NTNG1: variants seen among roughly 807,000 people sequenced by gnomAD.
NTNG1 encodes the protein netrin-G1.
In NTNG1, 16 loss-of-function variants were observed where a neutral mutation model predicts 54.0. The observed-to-expected ratio is 0.30, with a 90% CI of 0.20 to 0.45. NTNG1 has a LOEUF of 0.45. Among genes scored for constraint, NTNG1 ranks in the 20% least tolerant of loss-of-function variants. NTNG1 has a pLI of 1.00. For missense variants in NTNG1, 530 were observed against 678.7 expected (o/e 0.78, Z 2.43); for synonymous variants, 255 against 263.1 (o/e 0.97, Z 0.30).
chr1:107,382,374 A>G (rs17018835), intron 3 of NTNG1, among the ~76,000 whole-genome samples: 4,871 of 152,258 alleles, frequency 0.032, 274 homozygotes, highest in African/African-American at 0.11. Context: ...TCTTGATCGT[A>G]TATCATTTGA....
At chr1:107,360,534 A>T (rs942145754) in intron 3 of NTNG1, among the ~76,000 whole-genome samples, 1 of 152,216 alleles carries the variant, frequency 6.6e-6, no homozygotes. Context: ...ACAGGAAGCC[A>T]CTGGAAGATT....
intron 2 of NTNG1, among the ~76,000 whole-genome samples, chr1:107,181,443 TG>T (rs1657056504): frequency 6.6e-6 from 1 of 152,198 alleles, no homozygotes; most frequent in Non-Finnish European, 1.5e-5. Flanking sequence ...CAATTTTAAG[TG>T]GCTTTTGTTA....
At chr1:107,153,119 A>G (rs1451988140) in intron 2 of NTNG1, among the ~76,000 whole-genome samples, 1 of 152,200 alleles carries the variant, frequency 6.6e-6, no homozygotes, top group Admixed American at 6.5e-5. Context: ...ATATTTCATT[A>G]TGTTCAAATG....
intron 6 of NTNG1, among the ~76,000 whole-genome samples, chr1:107,433,972 C>A (rs1675444392): frequency 6.6e-6 from 1 of 152,186 alleles, no homozygotes; most frequent in Non-Finnish European, 1.5e-5. Flanking sequence ...GGATACATCA[C>A]AAGTAATTGA....
intron 6 of NTNG1, among the ~76,000 whole-genome samples, chr1:107,433,693 T>C (rs1675421674): frequency 1.3e-5 from 2 of 152,168 alleles, no homozygotes. Flanking sequence ...GGTACTAAGG[T>C]CTATCTTTTA....
intron 6 of NTNG1, among the ~76,000 whole-genome samples, chr1:107,433,011 T>A (rs1675364950): frequency 6.6e-6 from 1 of 152,194 alleles, no homozygotes; most frequent in African/African-American, 2.4e-5. Flanking sequence ...GTCTGTCTTT[T>A]AAATCAGATA....
Position 107,484,167 on chromosome 1 carries a change from A to T in NTNG1, c.*3327A>T, listed in dbSNP as rs540799090. ...GCAAAGGGTGCATCTGTGTGGATGGATTAGGCCCTGGGGCCTGGAGTGTTC... is the reference window on the plus strand; with the variant it reads ...GCAAAGGGTGCATCTGTGTGGATGGTTTAGGCCCTGGGGCCTGGAGTGTTC... On this transcript the variant is annotated 3_prime_UTR_variant, in exon 8 of 8. Transcript: ENST00000370068. Among the ~76,000 whole-genome samples the T allele has an allele frequency of 2.0e-5, 3 of 152,302 alleles. No homozygotes were observed. The South Asian group carries it at 6.2e-4, about 32-fold the overall frequency.
chr1:107,214,870 C>A (rs1474859964), intron 2 of NTNG1, among the ~76,000 whole-genome samples: 1 of 151,000 alleles, frequency 6.6e-6, no homozygotes, highest in Non-Finnish European at 1.5e-5. Flanking sequence ...ATTTACATTT[C>A]TCTCATCATT....
chr1:107,331,529 G>A (rs1444016208), intron 3 of NTNG1, among the ~76,000 whole-genome samples: 3 of 151,746 alleles, frequency 2.0e-5, no homozygotes, highest in Non-Finnish European at 2.9e-5. Flanking sequence ...TTTTCCATGG[G>A]GAGACAAAAA....
At chr1:107,155,357 T>C (rs930215944) in intron 2 of NTNG1, among the ~76,000 whole-genome samples, 15 of 152,058 alleles carry the variant, frequency 9.9e-5, no homozygotes, top group African/African-American at 3.6e-4. Context: ...TATCTTTCAA[T>C]GTCTAGCTCA....
chr1:107,447,068 C>A (rs748028583), intron 7 of NTNG1, among the ~76,000 whole-genome samples: 6 of 151,260 alleles, frequency 4.0e-5, no homozygotes, highest in Admixed American at 3.3e-4. Flanking sequence ...ATTAACATTA[C>A]ATATTACAGA....
intron 2 of NTNG1, among the ~76,000 whole-genome samples, chr1:107,268,857 A>T (rs1179887631): frequency 6.6e-6 from 1 of 152,176 alleles, no homozygotes; most frequent in Non-Finnish European, 1.5e-5. Context: ...TCATCACATG[A>T]AAAACCTTGG....
intron 5 of NTNG1, among the ~76,000 whole-genome samples, chr1:107,425,887 A>G (rs1674879842): frequency 2.0e-5 from 3 of 152,114 alleles, no homozygotes; most frequent in African/African-American, 7.2e-5. Context: ...CTGGTGTAAG[A>G]TGGCACGTTA....
At chr1:107,386,555 A>G (rs1472908453) in intron 3 of NTNG1, among the ~76,000 whole-genome samples, 1 of 152,170 alleles carries the variant, frequency 6.6e-6, no homozygotes, top group Non-Finnish European at 1.5e-5. Flanking sequence ...ATGCTGTAGC[A>G]TGTATCAGTA....
At chr1:107,418,980 T>C (rs1341290968) in intron 5 of NTNG1, among the ~76,000 whole-genome samples, 1 of 152,034 alleles carries the variant, frequency 6.6e-6, no homozygotes, top group East Asian at 1.9e-4. Context: ...ATCCTTTCAA[T>C]GTCTTCCTCT....
intron 2 of NTNG1, among the ~76,000 whole-genome samples, chr1:107,168,940 G>A (rs534132112): frequency 6.6e-6 from 1 of 152,172 alleles, no homozygotes; most frequent in South Asian, 2.1e-4. Flanking sequence ...CCATATGTAG[G>A]CTAGCCTTCT....
chr1:107,381,841 C>G (rs901493123), intron 3 of NTNG1, among the ~76,000 whole-genome samples: 2 of 152,186 alleles, frequency 1.3e-5, no homozygotes, highest in African/African-American at 4.8e-5. Flanking sequence ...TCTCTTCTGT[C>G]TTGGCTTTAT....
chr1:107,382,865 G>GA (rs570924041), intron 3 of NTNG1, among the ~76,000 whole-genome samples: 13,070 of 143,144 alleles, frequency 0.091, 646 homozygotes, highest in African/African-American at 0.14. Flanking sequence ...CAAATAAGAG[G>GA]AAAAAAAAAA....
At chr1:107,475,692 C>T (rs1448882335) in intron 7 of NTNG1, among the ~76,000 whole-genome samples, 2 of 152,184 alleles carry the variant, frequency 1.3e-5, no homozygotes, top group East Asian at 3.8e-4. Context: ...GGACAACTGC[C>T]CTTCTTCATT....
Sources: allele counts gnomAD v4.1 joint callset (sites outside exome capture counted in the v4.1 genomes callset), GRCh38; gene constraint gnomAD v4.1.1; transcripts MANE v1.5; gene names NCBI Gene and HGNC (gene_info 2026-07-23, HGNC 2026-07-21).